PRKN: variants seen among roughly 807,000 people sequenced by gnomAD.
The protein encoded by PRKN is E3 ubiquitin-protein ligase parkin.
A neutral mutation model predicts 59.5 loss-of-function variants in PRKN; 56 were observed. The observed-to-expected ratio is 0.94, with a 90% confidence interval of 0.76 to 1.18. PRKN has a LOEUF of 1.18. PRKN is among the 50% of genes most tolerant of loss of function. The pLI, the probability that PRKN is intolerant of heterozygous loss-of-function variation, is 0.00. For missense variants in PRKN, 657 were observed against 596.4 expected, an observed-to-expected ratio of 1.10 and a Z score of -1.06; for synonymous variants, 250 against 222.1, an observed-to-expected ratio of 1.13 and a Z score of -1.12.
chr6:161,945,528 A>G (rs1256466180), intron 6 of PRKN, among the ~76,000 whole-genome samples: 3 of 152,184 alleles, frequency 2.0e-5, no homozygotes, highest in Non-Finnish European at 4.4e-5. Flanking sequence ...CATTCCCACT[A>G]TATGCCAAAT....
At chr6:161,565,215 C>A (rs183280368) in intron 8 of PRKN, among the ~76,000 whole-genome samples, 2 of 152,034 alleles carry the variant, frequency 1.3e-5, no homozygotes, top group Admixed American at 1.3e-4. Flanking sequence ...ACATTTTGAC[C>A]GCAAAACTTC....
intron 4 of PRKN, among the ~76,000 whole-genome samples, chr6:162,090,839 G>T (rs1401875272): frequency 6.6e-6 from 1 of 152,094 alleles, no homozygotes; most frequent in East Asian, 1.9e-4. Context: ...TAGACCCTAA[G>T]ATTTACCATG....
At chr6:162,714,289 T>G (rs534731480) in intron 1 of PRKN, among the ~76,000 whole-genome samples, 1 of 152,132 alleles carries the variant, frequency 6.6e-6, no homozygotes, top group African/African-American at 2.4e-5. Flanking sequence ...TTTAGAACAA[T>G]TGTGAAAAAA....
At chr6:161,978,675 G>T (rs991424063) in intron 5 of PRKN, among the ~76,000 whole-genome samples, 2 of 152,226 alleles carry the variant, frequency 1.3e-5, no homozygotes, top group African/African-American at 4.8e-5. Flanking sequence ...CAGAAGGCTG[G>T]CACCACTGCA....
intron 2 of PRKN, among the ~76,000 whole-genome samples, chr6:162,375,492 G>A (rs563016181): frequency 2.4e-4 from 37 of 151,588 alleles, no homozygotes; most frequent in South Asian, 2.1e-3. Context: ...TAGACTGCAT[G>A]GAGTTGCTTA....
intron 1 of PRKN, among the ~76,000 whole-genome samples, chr6:162,670,561 T>C (rs916668373): frequency 2.6e-5 from 4 of 152,188 alleles, no homozygotes; most frequent in East Asian, 1.9e-4. Flanking sequence ...TTGGCTTTCG[T>C]AGGGGACAAA....
At chr6:162,657,808 G>A (rs899402705) in intron 1 of PRKN, among the ~76,000 whole-genome samples, 2 of 152,092 alleles carry the variant, frequency 1.3e-5, no homozygotes, top group African/African-American at 4.8e-5. Context: ...GAATATAGTA[G>A]GGACATGAGG....
chr6:161,994,165 T>C (rs573094839), intron 5 of PRKN, among the ~76,000 whole-genome samples: 2 of 151,038 alleles, frequency 1.3e-5, no homozygotes, highest in East Asian at 3.9e-4. Context: ...GATGTAAGAA[T>C]GGTTGAACAT....
chr6:161,413,728 C>A lies in PRKN; in HGVS notation c.1084-26851G>T, dbSNP rs929954314. 6.6e-6 allele frequency among the ~76,000 whole-genome samples: 1 copy of A among 152,184 alleles called. No homozygotes were observed. The highest frequency in any genetic ancestry group is 1.5e-5 in the Non-Finnish European group (1 of 68,040). On this transcript the variant is annotated intron_variant, in intron 9 of 11. Coordinates refer to ENST00000366898, the MANE Select transcript of PRKN (RefSeq NM_004562.3). This position sits in a 1 kb window ranked among gnomAD's most constrained non-coding sequence, Gnocchi z 4.4. ...TCCAGCTGAGAAGGAAGCCACATGGCCATTCCTGAGAACAAGGATAATGCC... is the reference window on the plus strand; with the variant it reads ...TCCAGCTGAGAAGGAAGCCACATGGACATTCCTGAGAACAAGGATAATGCC...
At chr6:162,727,638 T>C in intron 1 of PRKN, 24 bp downstream of exon 1, 3 of 1,583,152 alleles carry the variant, frequency 1.9e-6, no homozygotes, top group South Asian at 2.3e-5. Context: ...GCAGAGAGGC[T>C]GTACCTGGCA....
chr6:162,697,848 G>A (rs773707523), intron 1 of PRKN, among the ~76,000 whole-genome samples: 1 of 152,116 alleles, frequency 6.6e-6, no homozygotes, highest in Non-Finnish European at 1.5e-5. Context: ...AGTAAAAAAA[G>A]TAAATATTCC....
At chr6:162,508,428 C>T (rs1793699839) in intron 1 of PRKN, among the ~76,000 whole-genome samples, 1 of 152,184 alleles carries the variant, frequency 6.6e-6, no homozygotes, top group Non-Finnish European at 1.5e-5. Flanking sequence ...TCTGCAAAAG[C>T]AAATGAAAAC....
intron 6 of PRKN, among the ~76,000 whole-genome samples, chr6:161,962,412 T>C (rs1401718718): frequency 6.6e-6 from 1 of 152,120 alleles, no homozygotes; most frequent in African/African-American, 2.4e-5. Flanking sequence ...GCAATAGTTT[T>C]CTTTAAAAAA....
intron 6 of PRKN, among the ~76,000 whole-genome samples, chr6:161,875,034 ATAAAT>A (rs1315482935): frequency 9.3e-6 from 1 of 107,978 alleles, no homozygotes; most frequent in Non-Finnish European, 1.6e-5. Flanking sequence ...ATATAATATA[ATAAAT>A]TATATATTAT....
chr6:162,701,566 A>G (rs938268909), intron 1 of PRKN, among the ~76,000 whole-genome samples: 1 of 152,040 alleles, frequency 6.6e-6, no homozygotes, highest in Non-Finnish European at 1.5e-5. Context: ...AAATGTGATT[A>G]AAAAAATACA....
Position 162,507,965 on chromosome 6 carries a change from A to G in PRKN, c.8-64492T>C, listed in dbSNP as rs58347063. The stretch of plus-strand genomic sequence containing the variant: ...GATGAAGGACTGCAGTCCAAACTCT[A>G]TGATTAAGAAAGTATGAGACTTGCT... On this transcript the variant is annotated intron_variant, in intron 1 of 11. Transcript: ENST00000366898. Among the ~76,000 whole-genome samples, 491 of 152,324 alleles carry G rather than the reference A, an allele frequency of 3.2e-3. 7 individuals carry two copies. The highest frequency in any genetic ancestry group is 0.011 in the African/African-American group (470 of 41,576).
At chr6:162,140,866 C>T (rs751170711) in intron 4 of PRKN, among the ~76,000 whole-genome samples, 6 of 152,168 alleles carry the variant, frequency 3.9e-5, no homozygotes, top group Admixed American at 6.5e-5. Context: ...CAGTGGCTCA[C>T]GCCTGTAATC....
intron 9 of PRKN, among the ~76,000 whole-genome samples, chr6:161,449,637 G>T (rs1056575556): frequency 2.0e-5 from 3 of 152,168 alleles, no homozygotes; most frequent in African/African-American, 7.2e-5. Flanking sequence ...CTGTTTGGTA[G>T]TTGCTGAAAA....
chr6:161,978,388 G>T (rs746856649), intron 5 of PRKN, among the ~76,000 whole-genome samples: 34 of 152,156 alleles, frequency 2.2e-4, no homozygotes, highest in Non-Finnish European at 4.4e-4. Flanking sequence ...CAGTGGGCTG[G>T]ATTGTTGAAG....
Sources: allele counts gnomAD v4.1 joint callset (sites outside exome capture counted in the v4.1 genomes callset), GRCh38; gene constraint gnomAD v4.1.1; non-coding constraint Gnocchi (gnomAD v3.1); transcripts MANE v1.5; gene names NCBI Gene and HGNC (gene_info 2026-07-23, HGNC 2026-07-21).